Variants in AAMDC observed in about 807,000 individuals in gnomAD.
The protein encoded by AAMDC is mth938 domain-containing protein.
AAMDC carries 16 observed loss-of-function variants against 15.5 expected under a neutral mutation model. The ratio of observed to expected loss-of-function variants is 1.03; its 90% CI spans 0.70 to 1.57. The LOEUF (loss-of-function observed/expected upper bound fraction) is 1.57. Among genes scored for constraint, AAMDC ranks in the 40% most tolerant of loss-of-function variants. The pLI is 0.00. For synonymous variants in AAMDC, 51 were observed against 51.6 expected (o/e 0.99, Z 0.05); for missense variants, 141 against 144.9 (o/e 0.97, Z 0.14).
intron 5 of AAMDC, among the ~76,000 whole-genome samples, chr11:77,890,372 C>T (rs1256256648): frequency 6.6e-6 from 1 of 151,940 alleles, no homozygotes; most frequent in Non-Finnish European, 1.5e-5. Context: ...TTTTTCTGTC[C>T]CCTTATTGTA....
At chr11:77,891,135 G>A (rs577690220) in intron 5 of AAMDC, among the ~76,000 whole-genome samples, 3 of 152,180 alleles carry the variant, frequency 2.0e-5, no homozygotes, top group African/African-American at 4.8e-5. Flanking sequence ...AGAGTTTAAA[G>A]TAACTTGCTC....
chr11:77,883,873 C>T lies in AAMDC; in HGVS notation c.328+6824C>T, dbSNP rs745824061. On this transcript the variant is annotated intron_variant, in intron 5 of 5. Coordinates refer to the AAMDC transcript ENST00000304716. ...GGAGAGATAAACCTGAGTGATGAGC[C>T]GGTGCCGCCCTGGGCCAGGATTCCG... The T allele has an allele frequency of 3.3e-5, 54 of 1,612,572 alleles. No homozygotes were observed. The highest frequency in any genetic ancestry group is 7.7e-5 in the South Asian group (7 of 90,738).
chr11:77,884,748 CTTCT>C lies in AAMDC; in HGVS notation c.328+7710_328+7713del, dbSNP rs568996719. 60 of 377,826 alleles carry C rather than the reference CTTCT, an allele frequency of 1.6e-4. No individual in the cohort carries two copies. The East Asian group carries it at 3.0e-3, about 19-fold the overall frequency. The allele number at this position is 377,826 out of a possible 1,614,324, so 23.4% of individuals were successfully genotyped here. ...CATGGGGCCTCCCCCTGATTCTACACTTCTTTCTTTCTTTTTTTTTCTTTAAAAC... is the reference window on the plus strand; with the variant it reads ...CATGGGGCCTCCCCCTGATTCTACACTTCTTTCTTTTTTTTTCTTTAAAAC... On this transcript the variant is annotated intron_variant, in intron 5 of 5. Transcript: ENST00000304716.
At chr11:77,837,309 T>A (rs1949725874) in intron 1 of AAMDC, among the ~76,000 whole-genome samples, 1 of 151,900 alleles carries the variant, frequency 6.6e-6, no homozygotes, top group African/African-American at 2.4e-5. Context: ...CTAATTTTTG[T>A]TATTTTTAGT....
At chr11:77,838,191 A>ATAGGTGCCAAATTGACAAGATG (rs1183744306) in intron 1 of AAMDC, among the ~76,000 whole-genome samples, 2 of 151,844 alleles carry the variant, frequency 1.3e-5, no homozygotes, top group African/African-American at 4.8e-5. Context: ...GGAGACACAT[A>ATAGGTGCCAAATTGACAAGATG]TAGGTGCCAA....
In AAMDC at chr11:77,872,189, TG is replaced by T; in HGVS notation, c.244del (p.Val82TrpfsTer20). Reference sequence around the variant, plus strand: ...CACCTTCCCAGGTGCCTTCATCAACTGTGGAGTACCTCAAGAAACATGGCAT... The same window carrying T: ...CACCTTCCCAGGTGCCTTCATCAACTTGGAGTACCTCAAGAAACATGGCAT... Reference protein sequence around the residue: ...SEALKVPSSTVEYLKKHGIDV... With the variant: ...SEALKVPSSTXEYLKKHGIDV... On this transcript the variant is annotated frameshift_variant, in exon 4 of 4. Coordinates refer to ENST00000393427, the MANE Select transcript of AAMDC (RefSeq NM_024684.4). LOFTEE classifies it high-confidence loss of function. 6.2e-7 allele frequency: 1 copy of T among 1,613,412 alleles called. No individual in the cohort carries two copies. Among genetic ancestry groups the T allele is most frequent in the South Asian group, 1.1e-5 (1 of 90,950 alleles).
intron 5 of AAMDC, among the ~76,000 whole-genome samples, chr11:77,888,936 A>G (rs1952137278): frequency 6.6e-6 from 1 of 152,200 alleles, no homozygotes; most frequent in African/African-American, 2.4e-5. Flanking sequence ...CACGTGCTGG[A>G]GAGGATGTGG....
downstream of AAMDC, among the ~76,000 whole-genome samples, chr11:77,904,834 C>T (rs1426763994): frequency 1.3e-5 from 2 of 152,128 alleles, no homozygotes; most frequent in South Asian, 2.1e-4. Context: ...AGGATAGTTG[C>T]ATCATGTTAG....
Position 77,895,106 on chromosome 11 carries a change from G to C in AAMDC, c.329-5465G>C, listed in dbSNP as rs553402814. On this transcript the variant is annotated intron_variant, in intron 5 of 5. Transcript: ENST00000304716. ...TGAATTACTTGGCCTCACAGTACTT[G>C]AGAACATTTCATTTCACTAAAAAGT... is the stretch of plus-strand genomic sequence containing the variant. Among the ~76,000 whole-genome samples the C allele has an allele frequency of 6.6e-5, 10 of 151,066 alleles. No individual in the cohort carries two copies. The South Asian group carries it at 2.1e-3, about 32-fold the overall frequency.
intron 5 of AAMDC, among the ~76,000 whole-genome samples, chr11:77,895,355 G>A (rs1952463935): frequency 6.6e-6 from 1 of 151,472 alleles, no homozygotes; most frequent in Non-Finnish European, 1.5e-5. Context: ...TCAAGGTTTA[G>A]TCTTTTTATT....
At chr11:77,869,637 C>G in intron 2 of AAMDC, 85 bp from the exon 3 acceptor site, 1 of 1,324,990 alleles carries the variant, frequency 7.5e-7, no homozygotes, top group Non-Finnish European at 1.1e-6. Context: ...GTAGACATTT[C>G]TTGAATGAAT....
chr11:77,828,577 G>A (rs546179366), intron 1 of AAMDC, among the ~76,000 whole-genome samples: 32 of 150,614 alleles, frequency 2.1e-4, no homozygotes, highest in African/African-American at 6.6e-4. Flanking sequence ...AGGCTGCGGC[G>A]GAAGAATGGC....
At chr11:77,841,086 C>A in intron 1 of AAMDC, 1 of 663,052 alleles carries the variant, frequency 1.5e-6, no homozygotes, top group South Asian at 1.6e-5. Context: ...CTGCATCATC[C>A]TATAGTGGAA....
intron 1 of AAMDC, among the ~76,000 whole-genome samples, chr11:77,833,470 A>T (rs565311723): frequency 6.6e-6 from 1 of 152,048 alleles, no homozygotes; most frequent in Non-Finnish European, 1.5e-5. Flanking sequence ...GCTGCTGCTG[A>T]TGTGTCAGGA....
intron 2 of AAMDC, among the ~76,000 whole-genome samples, chr11:77,845,162 A>G (rs1950090308): frequency 6.6e-6 from 1 of 152,146 alleles, no homozygotes; most frequent in Non-Finnish European, 1.5e-5. Flanking sequence ...GGGGAAGTTT[A>G]GAGCCATTAT....
chr11:77,882,489 C>T (rs147882634), intron 5 of AAMDC, among the ~76,000 whole-genome samples: 184 of 152,272 alleles, frequency 1.2e-3, no homozygotes, highest in African/African-American at 4.3e-3. Context: ...ACAATACTGT[C>T]CCACAGCATT....
intron 1 of AAMDC, among the ~76,000 whole-genome samples, chr11:77,835,633 T>C (rs1021002842): frequency 3.3e-5 from 5 of 152,184 alleles, no homozygotes; most frequent in African/African-American, 1.2e-4. Context: ...GAGTCTAAAG[T>C]TGGGGCCAGG....
At chr11:77,892,851 G>C (rs1952335818) in intron 5 of AAMDC, among the ~76,000 whole-genome samples, 1 of 152,168 alleles carries the variant, frequency 6.6e-6, no homozygotes, top group African/African-American at 2.4e-5. Context: ...CCAAAGTGCT[G>C]GGATTACAGG....
chr11:77,891,699 A>C, intron 5 of AAMDC: 1 of 1,611,992 alleles, frequency 6.2e-7, no homozygotes, highest in Non-Finnish European at 8.5e-7. Flanking sequence ...GAAGCGGGAG[A>C]TGCAGAAAGG....
Sources: allele counts gnomAD v4.1 joint callset (sites outside exome capture counted in the v4.1 genomes callset), GRCh38; gene constraint gnomAD v4.1.1; transcripts MANE v1.5; gene names NCBI Gene and HGNC (gene_info 2026-07-23, HGNC 2026-07-21).